The following CXCL12 variants were observed in gnomAD, a reference collection of about 807,000 sequenced individuals.
CXCL12 encodes the protein C-X-C motif chemokine ligand 12.
A neutral mutation model predicts 10.7 loss-of-function variants in CXCL12; 4 were observed. The observed-to-expected ratio is 0.37, with a 90% CI of 0.18 to 0.86. CXCL12 has a LOEUF of 0.86. Among genes scored for constraint, CXCL12 ranks in the 40% least tolerant of loss-of-function variants. The pLI is 0.43. For missense variants in CXCL12, 122 were observed against 110.4 expected, an observed-to-expected ratio of 1.10 and a Z score of -0.47; for synonymous variants, 54 against 45.4, an observed-to-expected ratio of 1.19 and a Z score of -0.77.
intron 2 of CXCL12, among the ~76,000 whole-genome samples, chr10:44,379,689 TCTTCAA>T (rs2839691): frequency 0.045 from 6,894 of 152,258 alleles, 179 homozygotes; most frequent in African/African-American, 0.074. Flanking sequence ...GTATTTGGCA[TCTTCAA>T]CTTCAAGGTG....
chr10:44,380,667 G>A, intron 2 of CXCL12, 96 bp downstream of exon 2: 1 of 1,082,088 alleles, frequency 9.2e-7, no homozygotes, highest in South Asian at 1.3e-5. Flanking sequence ...CACTTGGCTT[G>A]TCACCTCTAC....
At chr10:44,375,029 T>A (rs1042303144), downstream of CXCL12, among the ~76,000 whole-genome samples, 12 of 152,208 alleles carry the variant, frequency 7.9e-5, no homozygotes, top group African/African-American at 2.7e-4. Context: ...TTCCCATGAA[T>A]GAGGACAGAG....
At position 44,377,261 on chromosome 10, in the gene CXCL12, A is replaced by G. The variant is rs1161635435; in HGVS notation, c.*1372T>C. 1 of 1,001,538 alleles carries G rather than the reference A, an allele frequency of 1.0e-6. No homozygotes were observed. The highest frequency in any genetic ancestry group is 4.3e-5 in the South Asian group (1 of 23,088). 62.0% of individuals were successfully genotyped at this position (1,001,538 alleles called of 1,614,324 possible). ...GCAATCACATTTATATATCATATAT[A>G]TTTCTTTACAAATTGCCAGTAGTTT... On this transcript the variant is annotated 3_prime_UTR_variant, in exon 3 of 3. Transcript: ENST00000343575.
Position 44,378,282 on chromosome 10 carries a change from A to AT in CXCL12, c.*350dup. The AT allele has an allele frequency of 1.0e-5, 15 of 1,466,478 alleles. No homozygotes were observed. Among genetic ancestry groups the AT allele is most frequent in the Non-Finnish European group, 1.4e-5 (15 of 1,097,060 alleles). 90.8% of individuals were successfully genotyped at this position (1,466,478 alleles called of 1,614,324 possible). A position where few individuals can be genotyped will look rare whatever the true frequency, so the allele number is the denominator to read the frequency against. On this transcript the variant is annotated 3_prime_UTR_variant, in exon 3 of 3. Transcript: ENST00000343575. ...CTTGAAGTACTCGTTGATTTAAAAA[A>AT]TGAGAATGAGAATGATGATGATTGT...
intron 1 of CXCL12, among the ~76,000 whole-genome samples, chr10:44,381,174 A>T (rs1839621489): frequency 6.6e-6 from 1 of 152,218 alleles, no homozygotes; most frequent in South Asian, 2.1e-4. Flanking sequence ...GTCTCAAGAT[A>T]AAGGTAGTAA....
chr10:44,377,541 C>T lies in CXCL12; in HGVS notation c.*1092G>A. 4.9e-6 allele frequency: 7 copies of T among 1,432,466 alleles called. No homozygotes were observed. Among genetic ancestry groups the T allele is most frequent in the Non-Finnish European group, 4.6e-6 (5 of 1,098,216 alleles). 88.7% of individuals were successfully genotyped at this position (1,432,466 alleles called of 1,614,324 possible). On this transcript the variant is annotated 3_prime_UTR_variant, in exon 3 of 3. Transcript: ENST00000343575. The stretch of plus-strand genomic sequence containing the variant: ...ATTGGAACCTGAAACCCTGCTGTGG[C>T]TTCAGGAGGGGGTAGTGGCAAGATG...
chr10:44,380,668 T>A, intron 2 of CXCL12, 95 bp downstream of exon 2: 1 of 1,088,710 alleles, frequency 9.2e-7, no homozygotes, highest in Admixed American at 1.7e-5. Context: ...ACTTGGCTTG[T>A]CACCTCTACA....
rs1439989394 is a variant in CXCL12, at chr10:44,385,015, G to A, written c.-10C>T. ...CGACCTTGGCGTTCATGGCGCGGGCGGGCGGGCGGGCGGGCGGACGAGCGC... is the reference window on the plus strand; with the variant it reads ...CGACCTTGGCGTTCATGGCGCGGGCAGGCGGGCGGGCGGGCGGACGAGCGC... On this transcript the variant is annotated 5_prime_UTR_variant, in exon 1 of 3. Transcript: ENST00000343575. The A allele has an allele frequency of 6.3e-6, 9 of 1,437,492 alleles. No homozygotes were observed. The highest frequency in any genetic ancestry group is 1.5e-5 in the African/African-American group (1 of 66,524). The allele number at this position is 1,437,492 out of a possible 1,614,324, so 89.0% of individuals were successfully genotyped here. A position where few individuals can be genotyped will look rare whatever the true frequency, so the allele number is the denominator to read the frequency against.
downstream of CXCL12, chr10:44,376,032 C>T (rs763152307): frequency 6.2e-7 from 1 of 1,611,938 alleles, no homozygotes; most frequent in Non-Finnish European, 8.5e-7. Context: ...CTCTGCGCCC[C>T]CTTAGATAAA....
downstream of CXCL12, chr10:44,373,288 T>G: frequency 6.3e-7 from 1 of 1,598,548 alleles, no homozygotes; most frequent in Non-Finnish European, 8.5e-7. Context: ...GTTTCAGAGC[T>G]GGGCTCCTAC....
At chr10:44,378,767 A>T in intron 2 of CXCL12, 44 bp from the exon 3 acceptor site, 1 of 1,602,952 alleles carries the variant, frequency 6.2e-7, no homozygotes, top group East Asian at 2.2e-5. Flanking sequence ...CACAGGAGGA[A>T]GGCGCGGCTG....
chr10:44,374,732 T>C (rs1361616677), downstream of CXCL12: 4 of 453,310 alleles, frequency 8.8e-6, no homozygotes, highest in South Asian at 1.6e-5. Context: ...CTGAATTCCA[T>C]GTGCTCCATC....
Position 44,378,011 on chromosome 10 carries a change from G to A in CXCL12, c.*622C>T. The A allele has an allele frequency of 6.7e-7, 1 of 1,498,436 alleles. No homozygotes were observed. Among genetic ancestry groups the A allele is most frequent in the Non-Finnish European group, 8.8e-7 (1 of 1,136,324 alleles). 92.8% of individuals were successfully genotyped at this position (1,498,436 alleles called of 1,614,324 possible). On this transcript the variant is annotated 3_prime_UTR_variant, in exon 3 of 3. Transcript: ENST00000343575. ...TCTGAGCACAGTCCCAGTAATAGTG[G>A]CTTCTACATGGAGCCCACAGAGCCA...
chr10:44,378,242 A>T lies in CXCL12; in HGVS notation c.*391T>A. 2.7e-6 allele frequency: 4 copies of T among 1,460,134 alleles called. No individual in the cohort carries two copies. Among genetic ancestry groups the T allele is most frequent in the Non-Finnish European group, 3.7e-6 (4 of 1,095,176 alleles). 90.4% of individuals were successfully genotyped at this position (1,460,134 alleles called of 1,614,324 possible). On this transcript the variant is annotated 3_prime_UTR_variant, in exon 3 of 3. Coordinates refer to ENST00000343575, the MANE Select transcript of CXCL12 (RefSeq NM_199168.4). ...GGGGAGCAGAGGAGATGCTCCAAACAAGCCAAATTCAGATCTTGAAGTACT... is the reference window on the plus strand; with the variant it reads ...GGGGAGCAGAGGAGATGCTCCAAACTAGCCAAATTCAGATCTTGAAGTACT...
At chr10:44,374,847 C>T (rs547009266), downstream of CXCL12, 115 of 371,228 alleles carry the variant, frequency 3.1e-4, 1 homozygote, top group Middle Eastern at 9.5e-4. Context: ...AGAAATTCAA[C>T]GCATCCTTTT....
chr10:44,372,904 T>C, downstream of CXCL12: 1 of 1,535,734 alleles, frequency 6.5e-7, no homozygotes, highest in Admixed American at 2.0e-5. Flanking sequence ...TTTGCCCAGG[T>C]TGACTGGTCC....
At chr10:44,384,833 CA>C (rs1311178769) in intron 1 of CXCL12, 111 bp downstream of exon 1, 216 of 1,047,332 alleles carry the variant, frequency 2.1e-4, no homozygotes, top group Non-Finnish European at 1.6e-5. Flanking sequence ...CCTCCACCCC[CA>C]CTGTGTCGGG....
intron 1 of CXCL12, among the ~76,000 whole-genome samples, chr10:44,381,912 T>C (rs1230164351): frequency 6.6e-6 from 1 of 152,240 alleles, no homozygotes; most frequent in African/African-American, 2.4e-5. Flanking sequence ...TACAAAGTTC[T>C]GAGAGACCTC....
chr10:44,373,434 T>G, downstream of CXCL12: 1 of 1,150,826 alleles, frequency 8.7e-7, no homozygotes, highest in Non-Finnish European at 1.3e-6. Context: ...GCGGAGGCCC[T>G]GGGGCCAATC....
Sources: gnomAD v4.1 joint callset for allele counts (sites outside exome capture counted in the v4.1 genomes callset) on GRCh38, gnomAD v4.1.1 for gene constraint, MANE v1.5 for transcripts, NCBI Gene and HGNC (gene_info 2026-07-23, HGNC 2026-07-21) for gene names.